Variants in FAAH2 observed in about 807,000 individuals in gnomAD.
FAAH2 encodes fatty-acid amide hydrolase 2.
A neutral mutation model predicts 36.9 loss-of-function variants in FAAH2; 60 were observed. That is an observed-to-expected ratio of 1.63 (90% CI 1.32 to 2.02). The LOEUF is 2.02. Ranked by LOEUF, FAAH2 falls within the 30% of genes most tolerant of loss-of-function variation. The pLI is 0.00. For missense variants in FAAH2, 689 were observed against 397.5 expected (o/e 1.73, Z -6.23); for synonymous variants, 214 against 143.8 (o/e 1.49, Z -3.49).
At chrX:57,479,211 G>T (rs936908423) in intron 10 of FAAH2, among the ~76,000 whole-genome samples, 5 of 111,401 alleles carry the variant, frequency 4.5e-5, no homozygotes, top group African/African-American at 1.6e-4. Flanking sequence ...CACGTCCCTT[G>T]TAAGTTGGAT....
intron 10 of FAAH2, chrX:57,452,440 C>T (rs1021436907): frequency 2.3e-6 from 1 of 433,333 alleles, no homozygotes. Context: ...ACAGAGTGGG[C>T]TTGGTCACCT....
the FAAH2 span, among the ~76,000 whole-genome samples, chrX:57,156,318 A>G: frequency 1.3e-4 from 15 of 111,868 alleles, no homozygotes; most frequent in East Asian, 4.2e-3. Flanking sequence ...CTTCCACAAA[A>G]TAGCTATTTT....
At chrX:57,350,128 C>G (rs2053960329) in intron 5 of FAAH2, among the ~76,000 whole-genome samples, 1 of 110,581 alleles carries the variant, frequency 9.0e-6, no homozygotes, top group South Asian at 3.8e-4. Flanking sequence ...GAAAAACAAC[C>G]CTGCTGACGG....
chrX:57,211,616 G>C, the FAAH2 span, among the ~76,000 whole-genome samples: 10 of 111,846 alleles, frequency 8.9e-5, no homozygotes, highest in Admixed American at 4.7e-4. Flanking sequence ...CTGGCTGGGA[G>C]GTCAACCTGC....
At chrX:57,436,525 T>C (rs760919541) in intron 8 of FAAH2, among the ~76,000 whole-genome samples, 3 of 106,792 alleles carry the variant, frequency 2.8e-5, no homozygotes, top group African/African-American at 1.0e-4. Flanking sequence ...AAATCAGAAA[T>C]GAAAAAAGAG....
At chrX:57,466,299 A>C (rs1313795442) in intron 10 of FAAH2, among the ~76,000 whole-genome samples, 3 of 106,773 alleles carry the variant, frequency 2.8e-5, no homozygotes, top group Non-Finnish European at 3.8e-5. Flanking sequence ...CTGAAGAGTT[A>C]AGATGGCTGT....
intron 5 of FAAH2, among the ~76,000 whole-genome samples, chrX:57,358,435 G>T (rs2054212689): frequency 9.0e-6 from 1 of 111,382 alleles, no homozygotes; most frequent in African/African-American, 3.3e-5. Flanking sequence ...ACTCATATAA[G>T]TGGAATCACA....
the FAAH2 span, among the ~76,000 whole-genome samples, chrX:57,171,387 A>G: frequency 8.9e-6 from 1 of 112,151 alleles, no homozygotes; most frequent in Non-Finnish European, 1.9e-5. Flanking sequence ...CAGTATACAA[A>G]TATTCCCTTT....
the FAAH2 span, among the ~76,000 whole-genome samples, chrX:57,272,887 G>A: frequency 3.6e-5 from 4 of 112,081 alleles, no homozygotes; most frequent in Admixed American, 3.8e-4. Context: ...GAATCATAAT[G>A]ACAGAATCAA....
intron 2 of FAAH2, among the ~76,000 whole-genome samples, 185 bp from the exon 3 acceptor site, chrX:57,310,408 G>A (rs73626264): frequency 0.014 from 1,524 of 111,773 alleles, 17 homozygotes; most frequent in African/African-American, 0.047. Flanking sequence ...TTGGATTACT[G>A]TTCTTATGAT....
At chrX:57,483,416 G>T (rs1031560553) in intron 10 of FAAH2, among the ~76,000 whole-genome samples, 2 of 110,233 alleles carry the variant, frequency 1.8e-5, no homozygotes, top group Non-Finnish European at 3.8e-5. Flanking sequence ...ATCCTGAATT[G>T]CCCTCATATT....
At chrX:57,394,558 C>T in intron 7 of FAAH2, 1 of 1,206,406 alleles carries the variant, frequency 8.3e-7, no homozygotes, top group Non-Finnish European at 1.1e-6. Context: ...GCTTAAATTT[C>T]TCCAGGAAAC....
chrX:57,467,265 G>A (rs928001541), intron 10 of FAAH2, among the ~76,000 whole-genome samples: 1 of 110,871 alleles, frequency 9.0e-6, no homozygotes, highest in African/African-American at 3.3e-5. Flanking sequence ...AGGACAGCGG[G>A]TGCAGTGCAA....
In FAAH2 at chrX:57,378,882, G is replaced by A. The variant is rs1299727356; in HGVS notation, c.878+96G>A. On this transcript the variant is annotated intron_variant, in intron 6 of 10. Coordinates refer to ENST00000374900, the MANE Select transcript of FAAH2 (RefSeq NM_174912.4). ...ATAGAGGTAGACTTTCAGTCCTCAAGCAAATAATTTTTACAGGTTTTTATG... is the reference window on the plus strand; with the variant it reads ...ATAGAGGTAGACTTTCAGTCCTCAAACAAATAATTTTTACAGGTTTTTATG... The A allele has an allele frequency of 7.8e-6, 8 of 1,030,948 alleles. No individual in the cohort carries two copies. The Admixed American group carries it at 2.2e-4, about 29-fold the overall frequency. The allele number at this position is 1,030,948 out of a possible 1,213,427, so 85.0% of individuals were successfully genotyped here.
the FAAH2 span, among the ~76,000 whole-genome samples, chrX:57,124,430 G>A: frequency 8.9e-6 from 1 of 111,753 alleles, no homozygotes; most frequent in Admixed American, 9.5e-5. Flanking sequence ...TTTGAAGTCA[G>A]GTAGCGTGAT....
the FAAH2 span, among the ~76,000 whole-genome samples, chrX:57,250,071 C>A: frequency 8.9e-6 from 1 of 111,985 alleles, no homozygotes; most frequent in Non-Finnish European, 1.9e-5. Context: ...AAACTGTGAG[C>A]TTTATTTAGA....
At chrX:57,351,291 A>G (rs2053992743) in intron 5 of FAAH2, among the ~76,000 whole-genome samples, 1 of 111,403 alleles carries the variant, frequency 9.0e-6, no homozygotes, top group South Asian at 3.7e-4. Context: ...ATTTGAAACA[A>G]AAATGGAAAT....
At chrX:57,312,170 G>T (rs953287596) in intron 3 of FAAH2, among the ~76,000 whole-genome samples, 9 of 112,384 alleles carry the variant, frequency 8.0e-5, no homozygotes, top group Non-Finnish European at 1.7e-4. Flanking sequence ...GGTGAGGGAG[G>T]TGCTGTCTCT....
At chrX:57,156,647 A>G in the FAAH2 span, among the ~76,000 whole-genome samples, 220 of 112,190 alleles carry the variant, frequency 2.0e-3, 1 homozygote, top group African/African-American at 6.8e-3. Context: ...GCATTCTCCT[A>G]GATACACAGC....
Sources: gnomAD v4.1 joint callset for allele counts (sites outside exome capture counted in the v4.1 genomes callset) on GRCh38, gnomAD v4.1.1 for gene constraint, MANE v1.5 for transcripts, NCBI Gene and HGNC (gene_info 2026-07-23, HGNC 2026-07-21) for gene names.